Variants in PPARGC1A observed in about 807,000 individuals in gnomAD.
The protein encoded by PPARGC1A is PPARG coactivator 1 alpha.
Under a neutral mutation model 88.7 loss-of-function variants are expected in PPARGC1A, and 25 were observed. That is an observed-to-expected ratio of 0.28 (90% CI 0.21 to 0.39). The LOEUF is 0.39. Among genes scored for constraint, PPARGC1A ranks in the 10% least tolerant of loss-of-function variants. The pLI is 1.00. For synonymous variants in PPARGC1A, 363 were observed against 355.6 expected (o/e 1.02, Z -0.24); for missense variants, 880 against 968.7 (o/e 0.91, Z 1.22).
intron 2 of PPARGC1A, among the ~76,000 whole-genome samples, chr4:23,878,837 A>T (rs1715339794): frequency 1.3e-5 from 2 of 152,246 alleles, no homozygotes; most frequent in African/African-American, 4.8e-5. Context: ...TTTGTGGTAG[A>T]CTACAAATGC....
chr4:23,885,994 T>C (rs1433118596), intron 1 of PPARGC1A, among the ~76,000 whole-genome samples: 3 of 152,190 alleles, frequency 2.0e-5, no homozygotes, highest in East Asian at 1.9e-4. Context: ...CCCTTACCAA[T>C]GAGGTGGTCT....
At chr4:24,431,728 A>G in the PPARGC1A span, among the ~76,000 whole-genome samples, 1 of 152,174 alleles carries the variant, frequency 6.6e-6, no homozygotes, top group Admixed American at 6.5e-5. Context: ...TGTTTCCTCC[A>G]CTAGAATAAA....
At chr4:24,221,764 C>CCTCACTCTGCT in the PPARGC1A span, among the ~76,000 whole-genome samples, 2 of 151,934 alleles carry the variant, frequency 1.3e-5, no homozygotes, top group Non-Finnish European at 2.9e-5. Flanking sequence ...CAGAGCAGAC[C>CCTCACTCTGCT]CTCACTCAAA....
chr4:24,068,187 A>G, the PPARGC1A span, among the ~76,000 whole-genome samples: 1 of 110,000 alleles, frequency 9.1e-6, no homozygotes, highest in African/African-American at 3.3e-5. Flanking sequence ...GGAAATTGCA[A>G]TGCAATGTAA....
chr4:24,298,071 T>A, the PPARGC1A span, among the ~76,000 whole-genome samples: 2 of 152,042 alleles, frequency 1.3e-5, no homozygotes, highest in Non-Finnish European at 2.9e-5. Context: ...CATGGAGGCA[T>A]ATTTTAGCTC....
At chr4:23,829,288 CTAGTT>C (rs1413523231) in intron 4 of PPARGC1A, among the ~76,000 whole-genome samples, 170 bp downstream of exon 4, 2 of 152,162 alleles carry the variant, frequency 1.3e-5, no homozygotes, top group Admixed American at 6.5e-5. Flanking sequence ...TGAACTCTGC[CTAGTT>C]TAAAGTAGCT....
the PPARGC1A span, among the ~76,000 whole-genome samples, chr4:24,131,887 G>A: frequency 2.6e-5 from 4 of 152,244 alleles, no homozygotes; most frequent in East Asian, 7.7e-4. Flanking sequence ...TCTGATATGT[G>A]AATTACAAAT....
chr4:24,306,519 A>G, the PPARGC1A span, among the ~76,000 whole-genome samples: 1 of 152,244 alleles, frequency 6.6e-6, no homozygotes, highest in African/African-American at 2.4e-5. Flanking sequence ...AACATCCAGC[A>G]TAGTAGTACC....
chr4:23,933,421 T>C, the PPARGC1A span, among the ~76,000 whole-genome samples: 234 of 152,310 alleles, frequency 1.5e-3, no homozygotes, highest in African/African-American at 5.3e-3. Flanking sequence ...TTTGCAACTT[T>C]CTCTTCCCCA....
At chr4:24,389,389 G>T in the PPARGC1A span, among the ~76,000 whole-genome samples, 1 of 152,142 alleles carries the variant, frequency 6.6e-6, no homozygotes, top group African/African-American at 2.4e-5. Flanking sequence ...CAGAGTCAGA[G>T]GGGTTCAAAT....
the PPARGC1A span, among the ~76,000 whole-genome samples, chr4:24,419,953 A>G: frequency 6.6e-6 from 1 of 152,248 alleles, no homozygotes; most frequent in Non-Finnish European, 1.5e-5. Flanking sequence ...ATGCAATTAT[A>G]TACATTAAAT....
chr4:23,877,892 CAAAT>C (rs924613726), intron 2 of PPARGC1A: 2 of 152,224 alleles, frequency 1.3e-5, no homozygotes, highest in African/African-American at 4.8e-5. Context: ...GGGGCATGGA[CAAAT>C]AAACACAGCA....
At chr4:24,336,468 G>A in the PPARGC1A span, among the ~76,000 whole-genome samples, 1 of 152,022 alleles carries the variant, frequency 6.6e-6, no homozygotes, top group Non-Finnish European at 1.5e-5. Context: ...AAAATATAAA[G>A]AGAGTAATCA....
the PPARGC1A span, among the ~76,000 whole-genome samples, chr4:24,281,696 T>TC: frequency 2.6e-5 from 4 of 152,186 alleles, no homozygotes; most frequent in African/African-American, 7.2e-5. Flanking sequence ...TTTCTTGTCT[T>TC]CCCCTAATAA....
At chr4:23,854,434 T>C (rs978618484) in intron 2 of PPARGC1A, among the ~76,000 whole-genome samples, 1 of 152,156 alleles carries the variant, frequency 6.6e-6, no homozygotes, top group African/African-American at 2.4e-5. Flanking sequence ...CATCAGCACA[T>C]CCAGACTTCA....
At chr4:23,967,074 T>G in the PPARGC1A span, among the ~76,000 whole-genome samples, 39 of 152,272 alleles carry the variant, frequency 2.6e-4, no homozygotes, top group Non-Finnish European at 4.7e-4. Flanking sequence ...ATGTAATGCC[T>G]TATTATTAAA....
intron 7 of PPARGC1A, 67 bp downstream of exon 7, chr4:23,824,213 A>T: frequency 7.4e-7 from 1 of 1,350,692 alleles, no homozygotes; most frequent in South Asian, 1.2e-5. Context: ...ACACTCTGTT[A>T]TCTTATTACA....
At chr4:24,232,146 C>A in the PPARGC1A span, among the ~76,000 whole-genome samples, 27 of 151,230 alleles carry the variant, frequency 1.8e-4, no homozygotes, top group South Asian at 5.7e-3. Context: ...CTGGATTAGG[C>A]AGCTATCATG....
chr4:24,184,602 C>T, the PPARGC1A span, among the ~76,000 whole-genome samples: 1 of 152,218 alleles, frequency 6.6e-6, no homozygotes, highest in East Asian at 1.9e-4. Context: ...GATTGGTGTC[C>T]ATCCTCTGGG....
Sources: allele counts gnomAD v4.1 joint callset (sites outside exome capture counted in the v4.1 genomes callset), GRCh38; gene constraint gnomAD v4.1.1; transcripts MANE v1.5; gene names NCBI Gene and HGNC (gene_info 2026-07-23, HGNC 2026-07-21).